The following ADAMTS7 variants were observed in gnomAD, a reference collection of about 807,000 sequenced individuals.
ADAMTS7 encodes A disintegrin and metalloproteinase with thrombospondin motifs 7.
In ADAMTS7, 89 loss-of-function variants were observed where a neutral mutation model predicts 172.6. The ratio of observed to expected loss-of-function variants is 0.52; its 90% CI spans 0.43 to 0.61. ADAMTS7 has a LOEUF of 0.61. ADAMTS7 is among the 20% of genes least tolerant of loss of function. The pLI is 0.00. For missense variants in ADAMTS7, 1,973 were observed against 2,355.6 expected, an observed-to-expected ratio of 0.84 and a Z score of 3.36; for synonymous variants, 885 against 978.4, an observed-to-expected ratio of 0.90 and a Z score of 1.78.
In ADAMTS7 at chr15:78,774,270, G is replaced by A. The variant is rs757937615; in HGVS notation, c.1907C>T (p.Ala636Val). ...VNPCELHCRPANEYFAEKLRD... is the reference protein window; with the variant it reads ...VNPCELHCRPVNEYFAEKLRD... ...CAGCTTCTCGGCAAAGTACTCATTC[G>A]CGGGCCGGCAGTGCAGCTCGCAGGG... The change falls in exon 13 of 24, where the codon GCG (alanine) becomes GTG (valine). Residue 636 changes from alanine (A) to valine (V), a missense_variant. By Grantham distance (64) the Ala-to-Val change is moderately conservative. Around this residue, in one of 8 missense-constraint regions of ADAMTS7, gnomAD observed 526 missense variants for 662.9 expected, o/e 0.79. Coordinates refer to ENST00000388820, the MANE Select transcript of ADAMTS7 (RefSeq NM_014272.5). 14 of 1,577,268 alleles carry A rather than the reference G, an allele frequency of 8.9e-6. 1 individual carries two copies. Among genetic ancestry groups the A allele is most frequent in the South Asian group, 5.7e-5 (5 of 87,434 alleles).
chr15:78,772,258 G>T (rs2055263660), intron 14 of ADAMTS7, among the ~76,000 whole-genome samples: 1 of 152,158 alleles, frequency 6.6e-6, no homozygotes, highest in Non-Finnish European at 1.5e-5. Flanking sequence ...TAAGCTCATG[G>T]GTAATGGCCC....
At chr15:78,764,430 T>C in intron 20 of ADAMTS7, 125 bp downstream of exon 20, 1 of 1,267,040 alleles carries the variant, frequency 7.9e-7, no homozygotes, top group Non-Finnish European at 1.1e-6. Flanking sequence ...TCCGGTGTGA[T>C]CGGGCACACA....
chr15:78,806,083 C>T (rs1443156500), intron 1 of ADAMTS7, among the ~76,000 whole-genome samples: 2 of 128,112 alleles, frequency 1.6e-5, no homozygotes, highest in Non-Finnish European at 3.2e-5. Flanking sequence ...CTGACTCCCC[C>T]CCCCAAAAAC....
chr15:78,785,013 A>G (rs1402077132), intron 8 of ADAMTS7, among the ~76,000 whole-genome samples: 1 of 151,602 alleles, frequency 6.6e-6, no homozygotes, highest in African/African-American at 2.4e-5. Context: ...GTAGCATGGG[A>G]TCCAAGAAAC....
rs189745536 is a variant in ADAMTS7, at chr15:78,776,259, G to C, written c.1635C>G (p.Ser545Arg). Residue 545 changes from serine to arginine, a missense_variant, in exon 11 of 24, where the codon AGC (serine) becomes AGG (arginine). This residue lies in a region of ADAMTS7 where 526 missense variants were observed against 662.9 expected (regional missense o/e 0.79). Transcript: ENST00000388820. ...AGCTCCGTGAGCAGATGGACCAGGC[G>C]CTCCAGCCAGACCAGCCACCATCCA... ...EAVDGGWSGW[S>R]AWSICSRSCG... 1 of 1,611,724 alleles carries C rather than the reference G, an allele frequency of 6.2e-7. No individual in the cohort carries two copies. Among genetic ancestry groups the C allele is most frequent in the Non-Finnish European group, 8.5e-7 (1 of 1,179,844 alleles).
intron 8 of ADAMTS7, among the ~76,000 whole-genome samples, chr15:78,784,188 T>C (rs2055469670): frequency 6.6e-6 from 1 of 151,628 alleles, no homozygotes; most frequent in Non-Finnish European, 1.5e-5. Context: ...CAAAACCCCA[T>C]CTCTAGAAAA....
chr15:78,761,817 C>T, intron 23 of ADAMTS7: 1 of 985,046 alleles, frequency 1.0e-6, no homozygotes, highest in Non-Finnish European at 1.2e-6. Flanking sequence ...ACCTCTACCT[C>T]AGGCCCTTCC....
chr15:78,774,239 G>C lies in ADAMTS7; in HGVS notation c.1938C>G (p.Asp646Glu), dbSNP rs74405922. The change falls in exon 13 of 24, where the codon GAC becomes GAG. Residue 646 changes from aspartate to glutamate, a missense_variant. Asp to Glu is a conservative substitution (Grantham distance 45). Coordinates refer to ENST00000388820, the MANE Select transcript of ADAMTS7 (RefSeq NM_014272.5). Reference protein sequence around the residue: ...ANEYFAEKLRDAVVDGTPCYQ... With the variant: ...ANEYFAEKLREAVVDGTPCYQ... ...AGCAGGGGGTGCCATCGACCACGGC[G>C]TCCCGCAGCTTCTCGGCAAAGTACT... 5.0e-6 allele frequency: 8 copies of C among 1,584,318 alleles called. No homozygotes were observed. The highest frequency in any genetic ancestry group is 4.3e-6 in the Non-Finnish European group (5 of 1,174,492).
At chr15:78,808,485 C>G (rs1020105458) in intron 1 of ADAMTS7, among the ~76,000 whole-genome samples, 2 of 152,212 alleles carry the variant, frequency 1.3e-5, no homozygotes, top group Non-Finnish European at 2.9e-5. Context: ...ATCCGCCAGC[C>G]TCAGCTTCCC....
chr15:78,800,983 C>T (rs575665409), intron 1 of ADAMTS7, among the ~76,000 whole-genome samples: 2 of 152,218 alleles, frequency 1.3e-5, no homozygotes, highest in East Asian at 1.9e-4. Context: ...TCAGGTGATA[C>T]GCTCGCCTCG....
intron 23 of ADAMTS7, among the ~76,000 whole-genome samples, chr15:78,761,696 C>A (rs2055045128): frequency 6.6e-6 from 1 of 152,170 alleles, no homozygotes; most frequent in Admixed American, 6.5e-5. Context: ...CTTCCGGGAG[C>A]AGCTGGGGCT....
At chr15:78,768,102 G>C in intron 17 of ADAMTS7, 31 bp downstream of exon 17, 1 of 1,523,134 alleles carries the variant, frequency 6.6e-7, no homozygotes, top group Non-Finnish European at 8.8e-7. Context: ...GGATGGGGTG[G>C]GGAGTTGGCG....
chr15:78,774,341 C>A, intron 12 of ADAMTS7, 41 bp from the exon 13 acceptor site: 9 of 1,521,220 alleles, frequency 5.9e-6, no homozygotes, highest in South Asian at 1.3e-5. Flanking sequence ...ACAGCTGGGG[C>A]GGGAGTATGG....
At chr15:78,760,256 C>A (rs1567197676) in intron 23 of ADAMTS7, among the ~76,000 whole-genome samples, 1 of 152,184 alleles carries the variant, frequency 6.6e-6, no homozygotes, top group African/African-American at 2.4e-5. Context: ...CTTGGCTGGG[C>A]CCTCCTGCCC....
At chr15:78,785,043 A>C (rs1241342439) in intron 8 of ADAMTS7, among the ~76,000 whole-genome samples, 1 of 152,018 alleles carries the variant, frequency 6.6e-6, no homozygotes, top group Non-Finnish European at 1.5e-5. Context: ...CTCCATGAAT[A>C]TTTTGGGGCA....
Position 78,771,274 on chromosome 15 carries a change from C to A in ADAMTS7, c.2406G>T (p.Val802=). The change falls in exon 16 of 24, where the codon GTG becomes GTT. Residue 802 remains valine (V), a synonymous_variant. Transcript: ENST00000388820. This position sits in a 1 kb window ranked among gnomAD's most constrained non-coding sequence, Gnocchi z 4.9. ...CCCTGTGGATGGTGTACTCGTAGTG[C>A]ACCCCAGGGTTGCTCTCCTGGAACA... ...QLLFQESNPG[V]HYEYTIHREA... is the part of the protein sequence containing the mutation. The A allele has an allele frequency of 6.2e-7, 1 of 1,612,818 alleles. No individual in the cohort carries two copies. The highest frequency in any genetic ancestry group is 1.8e-4 in the Middle Eastern group (1 of 5,602).
At chr15:78,802,800 C>A (rs187223907) in intron 1 of ADAMTS7, among the ~76,000 whole-genome samples, 1 of 152,202 alleles carries the variant, frequency 6.6e-6, no homozygotes, top group Non-Finnish European at 1.5e-5. Flanking sequence ...AGTTTGATAC[C>A]AGCCTGGCCA....
chr15:78,759,310 T>A lies in ADAMTS7; in HGVS notation c.*111A>T. On this transcript the variant is annotated 3_prime_UTR_variant, in exon 24 of 24. Coordinates refer to ENST00000388820, the MANE Select transcript of ADAMTS7 (RefSeq NM_014272.5). ...GAGGGGGAGGAGGTCCCCAGCCTGC[T>A]GCTGGGTAGTGAGAGGGGGTTAGCA... 9.8e-7 allele frequency: 1 copy of A among 1,021,906 alleles called. No homozygotes were observed. Among genetic ancestry groups the A allele is most frequent in the East Asian group, 2.9e-5 (1 of 33,932 alleles). 63.3% of individuals were successfully genotyped at this position (1,021,906 alleles called of 1,614,324 possible).
chr15:78,766,766 C>A lies in ADAMTS7; in HGVS notation c.3145G>T (p.Ala1049Ser). The change falls in exon 19 of 24, where the codon GCT becomes TCT. Residue 1049 changes from alanine to serine, a missense_variant. Physicochemically the swap from Ala to Ser is moderately conservative, Grantham distance 99. Coordinates refer to ENST00000388820, the MANE Select transcript of ADAMTS7 (RefSeq NM_014272.5). ...GTMGNAIEEE[A>S]PELDLPGPVF... ...GGCCCCGGCAGGTCCAGCTCTGGAG[C>A]CTCCTCCTCAATGGCGTTGCCCATG... 6.2e-7 allele frequency: 1 copy of A among 1,610,568 alleles called. No homozygotes were observed. Among genetic ancestry groups the A allele is most frequent in the South Asian group, 1.1e-5 (1 of 90,984 alleles).
Sources: allele counts gnomAD v4.1 joint callset (sites outside exome capture counted in the v4.1 genomes callset), GRCh38; gene constraint gnomAD v4.1.1; regional missense constraint gnomAD v4.1.1; non-coding constraint Gnocchi (gnomAD v3.1); transcripts MANE v1.5; gene names NCBI Gene and HGNC (gene_info 2026-07-23, HGNC 2026-07-21).